The following CTNND2 variants were observed in gnomAD, a reference collection of about 807,000 sequenced individuals.
CTNND2 encodes catenin delta 2.
A neutral mutation model predicts 144.4 loss-of-function variants in CTNND2; 22 were observed. The observed-to-expected ratio is 0.15, with a 90% CI of 0.11 to 0.22. CTNND2 has a LOEUF of 0.22. Among genes scored for constraint, CTNND2 ranks in the 10% least tolerant of loss-of-function variants. The probability of loss-of-function intolerance (pLI) is 1.00; values close to 1 mark genes in which losing one functional copy is unlikely to be tolerated. For missense variants in CTNND2, 1,353 were observed against 1,618.8 expected (o/e 0.84, Z 2.82); for synonymous variants, 751 against 695.6 (o/e 1.08, Z -1.25).
At chr5:11,263,300 A>AG (rs1745103001) in intron 9 of CTNND2, among the ~76,000 whole-genome samples, 1 of 152,224 alleles carries the variant, frequency 6.6e-6, no homozygotes, top group Admixed American at 6.5e-5. Context: ...AATGCATCTC[A>AG]GTATTTAATT....
chr5:11,408,852 A>T (rs1761295009), intron 5 of CTNND2, among the ~76,000 whole-genome samples: 1 of 152,046 alleles, frequency 6.6e-6, no homozygotes, highest in Admixed American at 6.6e-5. Context: ...CTATTATTTG[A>T]CTTACAGAAA....
rs1736116430 is a variant in CTNND2 at position 10,973,900 on chromosome 5, CACGTGCT to C, written c.3418-194_3418-188del. Among the ~76,000 whole-genome samples the C allele has an allele frequency of 6.6e-6, 1 of 152,192 alleles. No individual in the cohort carries two copies. The highest frequency in any genetic ancestry group is 1.5e-5 in the Non-Finnish European group (1 of 68,024). ...CCTTTTGAAAATTGGATCCTAGGTC[CACGTGCT>C]ATCATTCTACATAATCTTTATCATG... On this transcript the variant is annotated intron_variant, in intron 21 of 21. Coordinates refer to ENST00000304623, the MANE Select transcript of CTNND2 (RefSeq NM_001332.4). The surrounding 1 kb of genome is among the most constrained non-coding windows in gnomAD (Gnocchi z 5.6).
At chr5:11,210,636 A>G (rs1422261542) in intron 10 of CTNND2, among the ~76,000 whole-genome samples, 1 of 152,194 alleles carries the variant, frequency 6.6e-6, no homozygotes, top group Non-Finnish European at 1.5e-5. Flanking sequence ...TCAACATCTC[A>G]AAGAGAATTT....
At chr5:11,364,553 A>G in intron 8 of CTNND2, 143 bp downstream of exon 8, 1 of 583,326 alleles carries the variant, frequency 1.7e-6, no homozygotes, top group South Asian at 2.9e-5. Flanking sequence ...CATTATCATT[A>G]CAGACATTGA....
intron 5 of CTNND2, among the ~76,000 whole-genome samples, chr5:11,403,588 C>T (rs1345939256): frequency 1.3e-5 from 2 of 152,072 alleles, no homozygotes; most frequent in East Asian, 3.9e-4. Flanking sequence ...ATTCCAATTC[C>T]CAACTATACC....
chr5:11,316,763 T>C (rs571058043), intron 9 of CTNND2, among the ~76,000 whole-genome samples: 2 of 151,810 alleles, frequency 1.3e-5, no homozygotes, highest in South Asian at 4.2e-4. Flanking sequence ...GTCCTTGCGA[T>C]GTTTACTAAG....
intron 10 of CTNND2, among the ~76,000 whole-genome samples, chr5:11,210,453 TAAC>T (rs926665697): frequency 1.3e-5 from 2 of 152,176 alleles, no homozygotes; most frequent in Non-Finnish European, 2.9e-5. Flanking sequence ...GACTGACTGA[TAAC>T]AAATACTCTT....
At chr5:11,475,811 T>A (rs898137337) in intron 3 of CTNND2, among the ~76,000 whole-genome samples, 13 of 151,922 alleles carry the variant, frequency 8.6e-5, no homozygotes, top group Non-Finnish European at 1.5e-4. Context: ...CTGGATGGAC[T>A]CTTACCAGAT....
At chr5:11,240,252 C>T (rs1161125298) in intron 9 of CTNND2, among the ~76,000 whole-genome samples, 1 of 134,822 alleles carries the variant, frequency 7.4e-6, no homozygotes, top group Non-Finnish European at 1.6e-5. Flanking sequence ...CACACACTCA[C>T]ACACCCAACA....
chr5:11,388,321 G>A (rs1041869545), intron 6 of CTNND2, among the ~76,000 whole-genome samples: 2 of 152,188 alleles, frequency 1.3e-5, no homozygotes, highest in Non-Finnish European at 2.9e-5. Flanking sequence ...TTTCTACAAC[G>A]TAGAGAATGT....
rs147823853 is a variant in CTNND2, at chr5:11,818,974, T to C, written c.37+84843A>G. Reference sequence around the variant, plus strand: ...TATTTGTTTTCCTTTTCAGAACCTGTTGAGAGGCTTATAAGTAGGCTTTAC... The same window carrying C: ...TATTTGTTTTCCTTTTCAGAACCTGCTGAGAGGCTTATAAGTAGGCTTTAC... On this transcript the variant is annotated intron_variant, in intron 1 of 21. Coordinates refer to ENST00000304623, the MANE Select transcript of CTNND2 (RefSeq NM_001332.4). 2.6e-3 allele frequency among the ~76,000 whole-genome samples: 394 copies of C among 152,306 alleles called. 1 individual carries two copies. The highest frequency in any genetic ancestry group is 6.8e-3 in the Middle Eastern group (2 of 294).
At chr5:11,022,360 C>G (rs183365093) in intron 17 of CTNND2, among the ~76,000 whole-genome samples, 1 of 152,256 alleles carries the variant, frequency 6.6e-6, no homozygotes, top group South Asian at 2.1e-4. Context: ...TCTCCTCCCC[C>G]ATCCTTCCTG....
At chr5:11,657,889 G>A (rs949435061) in intron 2 of CTNND2, among the ~76,000 whole-genome samples, 7 of 151,916 alleles carry the variant, frequency 4.6e-5, no homozygotes, top group South Asian at 2.1e-4. Context: ...AAGAAAAAAC[G>A]TAAACAATGC....
intron 21 of CTNND2, among the ~76,000 whole-genome samples, chr5:10,977,654 T>C (rs944832035): frequency 2.6e-5 from 4 of 152,170 alleles, no homozygotes. Flanking sequence ...AGTTTTGCTA[T>C]GTTGCCCAAG....
At chr5:11,440,863 C>G (rs1764199048) in intron 3 of CTNND2, among the ~76,000 whole-genome samples, 1 of 152,156 alleles carries the variant, frequency 6.6e-6, no homozygotes, top group Admixed American at 6.6e-5. Flanking sequence ...ATAAAATTGT[C>G]AAACTATACT....
intron 2 of CTNND2, among the ~76,000 whole-genome samples, chr5:11,719,833 TACACACACACACACACAC>T (rs36223515): frequency 6.3e-5 from 9 of 142,112 alleles, no homozygotes; most frequent in East Asian, 4.4e-4. Context: ...CTCTGACATA[TACACACACACACACACAC>T]ACACACACAC....
chr5:11,362,957 G>A, intron 8 of CTNND2, among the ~76,000 whole-genome samples: 1 of 152,232 alleles, frequency 6.6e-6, no homozygotes, highest in Non-Finnish European at 1.5e-5. Context: ...AATGGGTATG[G>A]CTGCATCTCA....
At chr5:11,861,846 G>A (rs1795519159) in intron 1 of CTNND2, among the ~76,000 whole-genome samples, 1 of 152,156 alleles carries the variant, frequency 6.6e-6, no homozygotes, top group Non-Finnish European at 1.5e-5. Context: ...GGCATTTCTT[G>A]AGTATACTCG....
chr5:11,707,198 C>A (rs375258356), intron 2 of CTNND2, among the ~76,000 whole-genome samples: 1 of 151,962 alleles, frequency 6.6e-6, no homozygotes, highest in East Asian at 1.9e-4. Context: ...TTATATGTAT[C>A]AGTAATTAGT....
Sources: allele counts gnomAD v4.1 joint callset (sites outside exome capture counted in the v4.1 genomes callset), GRCh38; gene constraint gnomAD v4.1.1; non-coding constraint Gnocchi (gnomAD v3.1); transcripts MANE v1.5; gene names NCBI Gene and HGNC (gene_info 2026-07-23, HGNC 2026-07-21).